Variants in HDAC6 observed in about 807,000 individuals in gnomAD.
The protein encoded by HDAC6 is histone deacetylase 6, also known as protein deacetylase HDAC6.
Under a neutral mutation model 88.9 loss-of-function variants are expected in HDAC6, and 5 were observed. The ratio of observed to expected loss-of-function variants is 0.06; its 90% CI spans 0.03 to 0.12. HDAC6 has a LOEUF of 0.12. Among genes scored for constraint, HDAC6 ranks in the 10% least tolerant of loss-of-function variants. The probability of loss-of-function intolerance (pLI) is 1.00; values close to 1 mark genes in which losing one functional copy is unlikely to be tolerated. For synonymous variants in HDAC6, 378 were observed against 398.0 expected (o/e 0.95, Z 0.60); for missense variants, 706 against 1,014.4 (o/e 0.70, Z 4.13).
intron 6 of HDAC6, 171 bp downstream of exon 6, chrX:48,805,842 A>G (rs1252245959): frequency 4.4e-6 from 2 of 459,058 alleles, no homozygotes; most frequent in East Asian, 7.3e-5. Flanking sequence ...AGTAAACATA[A>G]GTTCCTCAGG....
In HDAC6 at chrX:48,824,076, G is replaced by A; in HGVS notation, c.3450+8G>A. The A allele has an allele frequency of 1.7e-6, 2 of 1,208,497 alleles. No homozygotes were observed. The highest frequency in any genetic ancestry group is 2.2e-6 in the Non-Finnish European group (2 of 892,897). ...TGTCTCTCTTGCTATCAGGTATGGA[G>A]CAGAGGAAGGGGATGGGGCGGAGGT... On this transcript the variant is annotated splice_region_variant and intron_variant, in intron 27 of 28. Transcript: ENST00000334136.
intron 10 of HDAC6, among the ~76,000 whole-genome samples, chrX:48,809,025 G>A (rs1448700677): frequency 1.8e-5 from 2 of 112,229 alleles, no homozygotes; most frequent in Non-Finnish European, 3.8e-5. Flanking sequence ...AAAGTATCTC[G>A]TTCTTTGTAG....
intron 22 of HDAC6, 130 bp downstream of exon 22, chrX:48,818,542 A>C: frequency 1.9e-6 from 1 of 528,223 alleles, no homozygotes. Flanking sequence ...ATGGGTGTTT[A>C]ATGAGGCTAC....
chrX:48,814,287 TTAAA>T (rs1177100463), intron 10 of HDAC6, 149 bp from the exon 11 acceptor site: 1 of 533,168 alleles, frequency 1.9e-6, no homozygotes. Context: ...GATTCATGGA[TTAAA>T]TAATTAATGG....
At chrX:48,819,836 G>A (rs782104833) in intron 22 of HDAC6, 50 of 436,119 alleles carry the variant, frequency 1.1e-4, no homozygotes, top group Non-Finnish European at 1.7e-4. Flanking sequence ...CACCATGCCC[G>A]GCCCCCATCT....
intron 22 of HDAC6, among the ~76,000 whole-genome samples, chrX:48,818,679 C>T (rs181434850): frequency 7.6e-4 from 85 of 112,398 alleles, no homozygotes; most frequent in African/African-American, 2.5e-3. Flanking sequence ...TCTGACTATG[C>T]ACCAATGGCC....
chrX:48,802,849 G>A (rs373500924), intron 2 of HDAC6, 22 bp from the exon 3 acceptor site: 5 of 1,206,533 alleles, frequency 4.1e-6, no homozygotes, highest in Non-Finnish European at 5.6e-6. Flanking sequence ...CCTGGACTCT[G>A]ACCCTTCTCT....
chrX:48,805,000 A>T (rs1323875547), intron 4 of HDAC6, among the ~76,000 whole-genome samples: 2 of 111,223 alleles, frequency 1.8e-5, no homozygotes, highest in African/African-American at 3.3e-5. Context: ...AGACCAGTGT[A>T]GGTGAAGCGA....
At chrX:48,806,008 C>T (rs2062811951) in intron 6 of HDAC6, 1 of 377,069 alleles carries the variant, frequency 2.7e-6, no homozygotes, top group Admixed American at 4.7e-5. Context: ...ATTTAGAGGC[C>T]TAGTGCTATG....
At chrX:48,808,391 A>G in intron 10 of HDAC6, 65 bp downstream of exon 10, 1 of 813,613 alleles carries the variant, frequency 1.2e-6, no homozygotes, top group South Asian at 2.4e-5. Flanking sequence ...AGGCCCAGCC[A>G]GAAGGGGTCC....
In HDAC6 at chrX:48,822,940, T is replaced by G. The variant is rs782082985; in HGVS notation, c.2541T>G (p.Ser847Arg). ...TAGAAGACAGAGAAGGACCCTCCAGTTCTAAGTTGGTCACCAAGAAGGCAC... is the reference window on the plus strand; with the variant it reads ...TAGAAGACAGAGAAGGACCCTCCAGGTCTAAGTTGGTCACCAAGAAGGCAC... ...MKVEDREGPS[S>R]SKLVTKKAPQ... The change falls in exon 25 of 29, where the codon AGT (serine) becomes AGG (arginine). Residue 847 changes from serine (S) to arginine (R), a missense_variant. Physicochemically the swap from Ser to Arg is moderately radical, Grantham distance 110. This residue lies in a region of HDAC6 where 138 missense variants were observed against 303.5 expected (regional missense o/e 0.45). Transcript: ENST00000334136. 2.5e-6 allele frequency: 3 copies of G among 1,197,888 alleles called. No individual in the cohort carries two copies. In the Admixed American group the frequency reaches 6.7e-5, roughly 27 times the overall value.
chrX:48,823,087 T>G lies in HDAC6; in HGVS notation c.2688T>G (p.Thr896=). ...SFGEESTPGQ[T]NSETAVVALT... ...GGGAAGAGTCCACTCCAGGCCAGACTAACTCAGAGACAGCTGTGGTGGCCC... is the reference window on the plus strand; with the variant it reads ...GGGAAGAGTCCACTCCAGGCCAGACGAACTCAGAGACAGCTGTGGTGGCCC... Residue 896 remains threonine, a synonymous_variant, in exon 25 of 29, where the codon ACT becomes ACG. Coordinates refer to ENST00000334136, the MANE Select transcript of HDAC6 (RefSeq NM_006044.4). 8.3e-7 allele frequency: 1 copy of G among 1,211,190 alleles called. No homozygotes were observed. Among genetic ancestry groups the G allele is most frequent in the Middle Eastern group, 2.3e-4 (1 of 4,353 alleles).
intron 4 of HDAC6, 47 bp from the exon 5 acceptor site, chrX:48,805,391 C>A: frequency 1.0e-6 from 1 of 961,467 alleles, no homozygotes. Context: ...AGATGTGGAG[C>A]TCCCCAGTGT....
intron 11 of HDAC6, 46 bp from the exon 12 acceptor site, chrX:48,814,629 C>G: frequency 5.0e-6 from 6 of 1,204,644 alleles, no homozygotes; most frequent in Non-Finnish European, 6.7e-6. Flanking sequence ...GTCAGCGGCT[C>G]GGGACAGGTG....
At chrX:48,822,493 A>C (rs1393741992) in intron 23 of HDAC6, 127 bp from the exon 24 acceptor site, 1 of 470,774 alleles carries the variant, frequency 2.1e-6, no homozygotes, top group Non-Finnish European at 3.5e-6. Context: ...ACTTGTTCTC[A>C]GTACTCCCCC....
At chrX:48,814,347 T>A in intron 10 of HDAC6, 93 bp from the exon 11 acceptor site, 1 of 895,572 alleles carries the variant, frequency 1.1e-6, no homozygotes, top group East Asian at 3.2e-5. Flanking sequence ...AATGGGGAAA[T>A]GAGTGGTAGA....
Position 48,822,932 on chromosome X carries a change from C to G in HDAC6, c.2533C>G (p.Pro845Ala), listed in dbSNP as rs782033950. ...RVMKVEDREG[P>A]SSSKLVTKKA... ...TCCAGAGGTAGAAGACAGAGAAGGACCCTCCAGTTCTAAGTTGGTCACCAA... is the reference window on the plus strand; with the variant it reads ...TCCAGAGGTAGAAGACAGAGAAGGAGCCTCCAGTTCTAAGTTGGTCACCAA... The change falls in exon 25 of 29, where the codon CCC (proline) becomes GCC (alanine). Residue 845 changes from proline (P) to alanine (A), a missense_variant. Physicochemically the swap from Pro to Ala is conservative, Grantham distance 27. This residue lies in a region of HDAC6 where 138 missense variants were observed against 303.5 expected (regional missense o/e 0.45). Transcript: ENST00000334136. 6 of 1,190,452 alleles carry G rather than the reference C, an allele frequency of 5.0e-6. No individual in the cohort carries two copies. The South Asian group carries it at 9.3e-5, about 18-fold the overall frequency.
intron 8 of HDAC6, 152 bp downstream of exon 8, chrX:48,806,858 C>T: frequency 2.5e-6 from 1 of 399,671 alleles, no homozygotes; most frequent in Non-Finnish European, 4.3e-6. Flanking sequence ...ATCCTTGTCA[C>T]CCAGACACCT....
At chrX:48,816,768 G>C (rs1200036854) in intron 19 of HDAC6, 135 bp downstream of exon 19, 3 of 451,841 alleles carry the variant, frequency 6.6e-6, no homozygotes, top group Admixed American at 4.6e-5. Context: ...ACGGGAGGGG[G>C]TGGGCCTAGA....
Sources: gnomAD v4.1 joint callset for allele counts (sites outside exome capture counted in the v4.1 genomes callset) on GRCh38, gnomAD v4.1.1 for gene constraint, gnomAD v4.1.1 regional missense constraint, MANE v1.5 for transcripts, NCBI Gene and HGNC (gene_info 2026-07-23, HGNC 2026-07-21) for gene names.